The following PHF21B variants were observed in gnomAD, a reference collection of about 807,000 sequenced individuals.
PHF21B encodes PHD finger protein 4.
PHF21B carries 22 observed loss-of-function variants against 62.2 expected under a neutral mutation model. The ratio of observed to expected loss-of-function variants is 0.35; its 90% confidence interval spans 0.25 to 0.51. The LOEUF is 0.51. PHF21B is among the 20% of genes least tolerant of loss of function. The probability of loss-of-function intolerance (pLI) is 0.97; values close to 1 mark genes in which losing one functional copy is unlikely to be tolerated. For synonymous variants in PHF21B, 341 were observed against 314.7 expected, an observed-to-expected ratio of 1.08 and a Z score of -0.88; for missense variants, 701 against 707.9, an observed-to-expected ratio of 0.99 and a Z score of 0.11.
intron 5 of PHF21B, among the ~76,000 whole-genome samples, chr22:44,904,311 T>C (rs1269860038): frequency 6.6e-6 from 1 of 152,196 alleles, no homozygotes; most frequent in African/African-American, 2.4e-5. Context: ...AGTCTACACT[T>C]AAATACATCT....
intron 2 of PHF21B, among the ~76,000 whole-genome samples, chr22:44,939,612 C>A (rs181165847): frequency 3.9e-5 from 6 of 152,228 alleles, no homozygotes; most frequent in Admixed American, 3.3e-4. Flanking sequence ...AGACATGGGG[C>A]GGAGGTAACT....
chr22:44,984,967 C>G (rs761302710), intron 2 of PHF21B, among the ~76,000 whole-genome samples: 1 of 152,160 alleles, frequency 6.6e-6, no homozygotes, highest in Non-Finnish European at 1.5e-5. Context: ...ACCTGAGTGT[C>G]AAGGTCTTTA....
chr22:44,994,468 C>T (rs1384003856), intron 2 of PHF21B, among the ~76,000 whole-genome samples: 5 of 152,208 alleles, frequency 3.3e-5, no homozygotes, highest in South Asian at 4.1e-4. Flanking sequence ...GGCCTCCCCT[C>T]GAGCCTCCGG....
At position 44,916,475 on chromosome 22, in the gene PHF21B, C is replaced by T. The variant is rs148583185; in HGVS notation, c.369G>A (p.Val123=). 1.0e-5 allele frequency: 16 copies of T among 1,605,790 alleles called. No individual in the cohort carries two copies. Among genetic ancestry groups the T allele is most frequent in the Non-Finnish European group, 1.4e-5 (16 of 1,178,748 alleles). ...CCTGGGGCTGGCTGCCGGGCGCTGG[C>T]ACATGGCTGACAGTGTTGTTGGCGG... is the stretch of plus-strand genomic sequence containing the variant. ...LPTANNTVSH[V]PAPGSQPQAL... The change falls in exon 4 of 13, where the codon GTG becomes GTA. Residue 123 remains valine, a synonymous_variant. Coordinates refer to ENST00000313237, the MANE Select transcript of PHF21B (RefSeq NM_138415.5).
chr22:44,981,516 CAATGAACAGGCT>C (rs2072841756), intron 2 of PHF21B, among the ~76,000 whole-genome samples: 1 of 152,214 alleles, frequency 6.6e-6, no homozygotes, highest in Admixed American at 6.5e-5. Flanking sequence ...AGCCCTGGCT[CAATGAACAGGCT>C]AATGATCAGG....
chr22:44,960,441 C>T lies in PHF21B; in HGVS notation c.121-39951G>A, dbSNP rs531685865. 2.2e-4 allele frequency among the ~76,000 whole-genome samples: 33 copies of T among 152,328 alleles called. No homozygotes were observed. The South Asian group carries it at 6.4e-3, about 30-fold the overall frequency. ...GACTATGGTCACCTGCTCCCCAGGTCGTCGCCCAACCCTCCACTGGCTGGA... is the reference window on the plus strand; with the variant it reads ...GACTATGGTCACCTGCTCCCCAGGTTGTCGCCCAACCCTCCACTGGCTGGA... On this transcript the variant is annotated intron_variant, in intron 2 of 12. Coordinates refer to ENST00000313237, the MANE Select transcript of PHF21B (RefSeq NM_138415.5).
chr22:44,886,208 T>C (rs1317559364), intron 10 of PHF21B, among the ~76,000 whole-genome samples: 2 of 151,902 alleles, frequency 1.3e-5, no homozygotes, highest in Admixed American at 6.6e-5. Flanking sequence ...AACGAACGAA[T>C]GATCACCTGT....
rs2072480641 is a variant in PHF21B, at chr22:44,964,266, C to T, written c.121-43776G>A. Among the ~76,000 whole-genome samples, 3 of 152,246 alleles carry T rather than the reference C, an allele frequency of 2.0e-5. No homozygotes were observed. The South Asian group carries it at 6.2e-4, about 31-fold the overall frequency. On this transcript the variant is annotated intron_variant, in intron 2 of 12. Transcript: ENST00000313237. Reference sequence around the variant, plus strand: ...TGCATCACTGTTTAACCATTATCTTCCCTAAACACAGACCCACCCAGAGAC... The same window carrying T: ...TGCATCACTGTTTAACCATTATCTTTCCTAAACACAGACCCACCCAGAGAC...
At chr22:44,932,928 C>T (rs2071769596) in intron 2 of PHF21B, among the ~76,000 whole-genome samples, 1 of 152,238 alleles carries the variant, frequency 6.6e-6, no homozygotes, top group Non-Finnish European at 1.5e-5. Context: ...CAAGTAACCA[C>T]CGTGCAGACC....
In PHF21B at chr22:44,920,382, C is replaced by T; in HGVS notation, c.213+16G>A. On this transcript the variant is annotated intron_variant, in intron 3 of 12. Transcript: ENST00000313237. ...AGACAGACGGACACCCCAGGGCCCG[C>T]CCGAGGGCTGCTTACCTGAGGTAGC... The T allele has an allele frequency of 6.3e-7, 1 of 1,595,620 alleles. No individual in the cohort carries two copies. The highest frequency in any genetic ancestry group is 8.6e-7 in the Non-Finnish European group (1 of 1,168,948).
intron 2 of PHF21B, among the ~76,000 whole-genome samples, chr22:44,985,294 T>C (rs2072925589): frequency 6.6e-6 from 1 of 152,208 alleles, no homozygotes; most frequent in African/African-American, 2.4e-5. Context: ...AGAGAGGACT[T>C]TCACTACCTC....
chr22:44,904,371 C>T (rs1431187755), intron 5 of PHF21B, among the ~76,000 whole-genome samples: 4 of 152,148 alleles, frequency 2.6e-5, no homozygotes, highest in Admixed American at 2.6e-4. Flanking sequence ...TACCCACTGG[C>T]TGTCTCTGGC....
chr22:44,978,902 G>C (rs1311361232), intron 2 of PHF21B, among the ~76,000 whole-genome samples: 1 of 152,140 alleles, frequency 6.6e-6, no homozygotes, highest in African/African-American at 2.4e-5. Flanking sequence ...TGCAGCTGCT[G>C]CATCTGGAGA....
At chr22:44,892,372 C>T (rs1167089308) in intron 7 of PHF21B, among the ~76,000 whole-genome samples, 2 of 152,218 alleles carry the variant, frequency 1.3e-5, no homozygotes, top group Admixed American at 6.5e-5. Flanking sequence ...GGCCAGAGGA[C>T]GCCCCATGGT....
chr22:44,913,709 C>A, intron 5 of PHF21B, 113 bp downstream of exon 5: 1 of 1,407,874 alleles, frequency 7.1e-7, no homozygotes, highest in Non-Finnish European at 9.3e-7. Flanking sequence ...GCAGCTGTGC[C>A]CACGGCTTGT....
rs551723742 is a variant in PHF21B, at chr22:44,904,746, G to A, written c.832-8663C>T. ...GTAGGGGACTCCAGAGAGGGCCAAG[G>A]AGCCACAGGCTGCAGAAAAAGTCAG... On this transcript the variant is annotated intron_variant, in intron 5 of 12. Coordinates refer to ENST00000313237, the MANE Select transcript of PHF21B (RefSeq NM_138415.5). Among the ~76,000 whole-genome samples, 2 of 133,540 alleles carry A rather than the reference G, an allele frequency of 1.5e-5. 1 individual carries two copies. Among genetic ancestry groups the A allele is most frequent in the East Asian group, 7.5e-4 (2 of 2,680 alleles). The allele number at this position is 133,540 out of a possible 152,430, so 87.6% of individuals were successfully genotyped here. A position where few individuals can be genotyped will look rare whatever the true frequency, so the allele number is the denominator to read the frequency against.
chr22:44,886,414 A>G (rs2070859692), intron 10 of PHF21B, among the ~76,000 whole-genome samples: 1 of 142,888 alleles, frequency 7.0e-6, no homozygotes, highest in Non-Finnish European at 1.5e-5. Context: ...AAAAAAAAAA[A>G]AAAAAAGCTG....
intron 2 of PHF21B, among the ~76,000 whole-genome samples, chr22:44,992,789 C>T (rs979167329): frequency 9.9e-5 from 15 of 152,280 alleles, no homozygotes; most frequent in South Asian, 4.1e-4. Flanking sequence ...GGCGACCTGA[C>T]GCTGACCCCC....
intron 2 of PHF21B, among the ~76,000 whole-genome samples, chr22:44,983,010 G>A (rs907628786): frequency 5.3e-5 from 8 of 152,180 alleles, no homozygotes; most frequent in Non-Finnish European, 8.8e-5. Context: ...TTGGGAGACC[G>A]AGGTGGGAGA....
Sources: allele counts gnomAD v4.1 joint callset (sites outside exome capture counted in the v4.1 genomes callset), GRCh38; gene constraint gnomAD v4.1.1; transcripts MANE v1.5; gene names NCBI Gene and HGNC (gene_info 2026-07-23, HGNC 2026-07-21).